Variants in MICU1 observed in about 807,000 individuals in gnomAD.
MICU1 encodes the protein calcium uptake protein 1, mitochondrial.
Under a neutral mutation model 56.8 loss-of-function variants are expected in MICU1, and 45 were observed. The ratio of observed to expected loss-of-function variants is 0.79; its 90% confidence interval spans 0.62 to 1.02. The LOEUF is 1.02. Ranked by LOEUF, MICU1 falls within the 50% of genes least tolerant of loss-of-function variation. The pLI is 0.00. For missense variants in MICU1, 504 were observed against 587.1 expected (o/e 0.86, Z 1.46); for synonymous variants, 186 against 195.1 (o/e 0.95, Z 0.39).
intron 8 of MICU1, among the ~76,000 whole-genome samples, chr10:72,461,767 T>C (rs545419642): frequency 6.6e-6 from 1 of 152,312 alleles, no homozygotes; most frequent in East Asian, 1.9e-4. Flanking sequence ...CTGGCCACCA[T>C]GGTGAAACCT....
intron 8 of MICU1, among the ~76,000 whole-genome samples, chr10:72,443,002 C>A (rs1864988828): frequency 6.6e-6 from 1 of 152,206 alleles, no homozygotes; most frequent in Non-Finnish European, 1.5e-5. Flanking sequence ...GGTGATCTGC[C>A]TGCCTCAGCC....
intron 6 of MICU1, among the ~76,000 whole-genome samples, chr10:72,485,840 T>C (rs1866452395): frequency 6.6e-6 from 1 of 151,404 alleles, no homozygotes; most frequent in African/African-American, 2.4e-5. Context: ...ATAGGAGACA[T>C]CCAAAGATAT....
chr10:72,589,412 G>GTT (rs1289692131), intron 1 of MICU1, among the ~76,000 whole-genome samples: 1 of 152,130 alleles, frequency 6.6e-6, no homozygotes, highest in East Asian at 1.9e-4. Context: ...CAAATGGAGG[G>GTT]TACATTTTAC....
intron 10 of MICU1, among the ~76,000 whole-genome samples, chr10:72,382,833 C>T (rs1589155806): frequency 6.6e-6 from 1 of 152,172 alleles, no homozygotes. Context: ...CACTTGAACC[C>T]GGGAGGCGGA....
intron 4 of MICU1, among the ~76,000 whole-genome samples, chr10:72,534,960 AAG>A (rs1372863485): frequency 2.1e-5 from 3 of 139,852 alleles, no homozygotes; most frequent in Admixed American, 7.2e-5. Flanking sequence ...GAGAACAAGA[AAG>A]AGTTCTAGAC....
At position 72,423,372 on chromosome 10, in the gene MICU1, C is replaced by T. The variant is rs763495239; in HGVS notation, c.934-1G>A. The stretch of plus-strand genomic sequence containing the variant: ...CATCCACAGGGTCATGGCGTTCAAA[C>T]TGGGAGGGAAACAGAAAGAATGTTC... On this transcript the variant is annotated splice_acceptor_variant, in intron 8 of 11. Coordinates refer to ENST00000361114, the MANE Select transcript of MICU1 (RefSeq NM_001195518.2). LOFTEE classifies it high-confidence loss of function. The T allele has an allele frequency of 1.9e-6, 3 of 1,613,102 alleles. No individual in the cohort carries two copies. Among genetic ancestry groups the T allele is most frequent in the Non-Finnish European group, 2.5e-6 (3 of 1,179,606 alleles).
At chr10:72,423,187 C>A in intron 9 of MICU1, 47 bp downstream of exon 9, 1 of 1,587,522 alleles carries the variant, frequency 6.3e-7, no homozygotes, top group South Asian at 1.1e-5. Flanking sequence ...AAATAATAAC[C>A]ATACATTACC....
At position 72,583,856 on chromosome 10, in the gene MICU1, A is replaced by G. The variant is rs137987818; in HGVS notation, c.-1-17062T>C. The stretch of plus-strand genomic sequence containing the variant: ...AGAGATTAATGTTCATGTCCAGAAA[A>G]GATACATTTCATAGCTTAAAGTGAC... On this transcript the variant is annotated intron_variant, in intron 1 of 11. Transcript: ENST00000361114. Among the ~76,000 whole-genome samples, 470 of 152,344 alleles carry G rather than the reference A, an allele frequency of 3.1e-3. 1 individual carries two copies. The highest frequency in any genetic ancestry group is 3.5e-3 in the Non-Finnish European group (241 of 68,030).
chr10:72,620,041 T>TA (rs1004309864), intron 1 of MICU1, among the ~76,000 whole-genome samples: 3 of 151,800 alleles, frequency 2.0e-5, no homozygotes, highest in Admixed American at 6.6e-5. Flanking sequence ...TTACTTTTTT[T>TA]AAAAAAAAGG....
chr10:72,625,557 C>A (rs1564518409), intron 1 of MICU1, among the ~76,000 whole-genome samples: 1 of 152,240 alleles, frequency 6.6e-6, no homozygotes. Flanking sequence ...TGAGTCCTCA[C>A]TGATTTTCCA....
At chr10:72,455,823 A>T (rs1865441884) in intron 8 of MICU1, among the ~76,000 whole-genome samples, 1 of 152,148 alleles carries the variant, frequency 6.6e-6, no homozygotes, top group African/African-American at 2.4e-5. Context: ...TGAAAAAAAA[A>T]AAGCAATCCT....
intron 4 of MICU1, among the ~76,000 whole-genome samples, chr10:72,549,191 G>GTT (rs869232997): frequency 4.6e-4 from 61 of 131,524 alleles, no homozygotes; most frequent in Non-Finnish European, 8.9e-4. Context: ...GTTTTTTTTG[G>GTT]TTTTTTTTTT....
At chr10:72,547,058 AT>A (rs998677413) in intron 4 of MICU1, among the ~76,000 whole-genome samples, 1 of 151,540 alleles carries the variant, frequency 6.6e-6, no homozygotes, top group Admixed American at 6.6e-5. Context: ...TGTCCAGCTA[AT>A]TTTTTTTGTA....
At chr10:72,399,483 T>C (rs953971250) in intron 10 of MICU1, among the ~76,000 whole-genome samples, 2 of 151,702 alleles carry the variant, frequency 1.3e-5, no homozygotes, top group African/African-American at 4.8e-5. Flanking sequence ...TAAAATAAAA[T>C]AAAAATACAA....
chr10:72,424,540 C>G (rs1864286567), intron 8 of MICU1, among the ~76,000 whole-genome samples: 1 of 151,578 alleles, frequency 6.6e-6, no homozygotes, highest in Non-Finnish European at 1.5e-5. Context: ...TGGTCTTGAA[C>G]TTCTGGGATC....
At chr10:72,619,742 C>A (rs1395013881) in intron 1 of MICU1, among the ~76,000 whole-genome samples, 1 of 152,176 alleles carries the variant, frequency 6.6e-6, no homozygotes, top group Non-Finnish European at 1.5e-5. Flanking sequence ...GTTCTACATA[C>A]TGAACAATAA....
At chr10:72,456,978 TGTGTGTGTTTTG>T (rs1203969445) in intron 8 of MICU1, among the ~76,000 whole-genome samples, 1 of 151,140 alleles carries the variant, frequency 6.6e-6, no homozygotes, top group African/African-American at 2.4e-5. Context: ...TGTGTGTGTG[TGTGTGTGTTTTG>T]TTTGTTTGTT....
chr10:72,488,086 C>G (rs1477636744), intron 6 of MICU1, among the ~76,000 whole-genome samples: 2 of 151,574 alleles, frequency 1.3e-5, no homozygotes, highest in Admixed American at 6.6e-5. Context: ...ATCCCAGCTA[C>G]TCGGGAGGCT....
At chr10:72,609,411 G>T (rs1284750961) in intron 1 of MICU1, among the ~76,000 whole-genome samples, 1 of 152,182 alleles carries the variant, frequency 6.6e-6, no homozygotes, top group Non-Finnish European at 1.5e-5. Context: ...AGGCCAAGGT[G>T]GGAAGGATCA....
Sources: gnomAD v4.1 joint callset for allele counts (sites outside exome capture counted in the v4.1 genomes callset) on GRCh38, gnomAD v4.1.1 for gene constraint, MANE v1.5 for transcripts, NCBI Gene and HGNC (gene_info 2026-07-23, HGNC 2026-07-21) for gene names.